Variants in SCN1A observed in about 807,000 individuals in gnomAD.
SCN1A encodes sodium channel protein type 1 subunit alpha.
A neutral mutation model predicts 193.7 loss-of-function variants in SCN1A; 13 were observed. The ratio of observed to expected loss-of-function variants is 0.07; its 90% confidence interval spans 0.04 to 0.11. The LOEUF (loss-of-function observed/expected upper bound fraction) is 0.11, where lower values mean the gene tolerates loss of function less well. SCN1A is among the 10% of genes least tolerant of loss of function. The pLI is 1.00. For synonymous variants in SCN1A, 781 were observed against 843.6 expected (o/e 0.93, Z 1.29); for missense variants, 1,432 against 2,451.1 (o/e 0.58, Z 8.78).
At chr2:166,076,345 A>G (rs1684983004) in intron 3 of SCN1A, among the ~76,000 whole-genome samples, 1 of 151,926 alleles carries the variant, frequency 6.6e-6, no homozygotes, top group Non-Finnish European at 1.5e-5. Flanking sequence ...TAAATATTTT[A>G]TCTATTTGGA....
Position 166,083,383 on chromosome 2 carries a change from A to C in SCN1A, c.-141-5582T>G, listed in dbSNP as rs34226010. On this transcript the variant is annotated intron_variant, in intron 2 of 28. Coordinates refer to ENST00000674923, the MANE Select transcript of SCN1A (RefSeq NM_001165963.4). ...TAAAATAAGGTCAGATATCTAACAT[A>C]TGTCTGTATCTACATTTGTATACTC... 1.2e-3 allele frequency among the ~76,000 whole-genome samples: 190 copies of C among 152,184 alleles called. 1 individual carries two copies. The highest frequency in any genetic ancestry group is 2.4e-3 in the Admixed American group (37 of 15,272).
At chr2:166,136,537 A>G (rs188002698) in intron 1 of SCN1A, among the ~76,000 whole-genome samples, 162 of 152,132 alleles carry the variant, frequency 1.1e-3, no homozygotes, top group African/African-American at 3.3e-3. Context: ...ATGTATCTCT[A>G]TCTGCCCTAA....
intron 14 of SCN1A, 68 bp downstream of exon 14, chr2:166,043,601 C>T (rs1398725897): frequency 7.2e-6 from 11 of 1,521,144 alleles, no homozygotes; most frequent in Non-Finnish European, 6.2e-6. Context: ...GGTTGCCGTT[C>T]TGTAGAAACA....
At position 166,052,871 on chromosome 2, in the gene SCN1A, C is replaced by T. The variant is rs794726719; in HGVS notation, c.675G>A (p.Lys225=). 1.2e-6 allele frequency: 2 copies of T among 1,612,370 alleles called. No homozygotes were observed. The highest frequency in any genetic ancestry group is 2.2e-5 in the South Asian group (2 of 90,996). Residue 225 remains lysine (K), a synonymous_variant, in exon 8 of 29, where the codon AAG becomes AAA. Transcript: ENST00000674923. ...LRTFRVLRAL[K]TISVIPGLKT... is the part of the protein sequence containing the mutation. ...TCTCACCTGGAATGACTGAAATCGT[C>T]TTCAATGCTCGGAGAACTCTGAATG...
intron 2 of SCN1A, among the ~76,000 whole-genome samples, chr2:166,102,664 G>C (rs1261049632): frequency 6.6e-6 from 1 of 152,056 alleles, no homozygotes; most frequent in African/African-American, 2.4e-5. Flanking sequence ...AATGAAAACA[G>C]AACTACCATT....
intron 2 of SCN1A, among the ~76,000 whole-genome samples, chr2:166,087,415 G>A (rs147492517): frequency 2.3e-4 from 35 of 152,144 alleles, no homozygotes; most frequent in African/African-American, 3.6e-4. Context: ...GAGAGGTTGC[G>A]GTGAGCCAAG....
intron 14 of SCN1A, among the ~76,000 whole-genome samples, chr2:166,042,871 C>G (rs1697342161): frequency 6.6e-6 from 1 of 152,140 alleles, no homozygotes; most frequent in Non-Finnish European, 1.5e-5. Flanking sequence ...TTTCTGGACA[C>G]AAGATGTAGA....
chr2:166,076,794 A>C (rs541955753), intron 3 of SCN1A, among the ~76,000 whole-genome samples: 42 of 151,586 alleles, frequency 2.8e-4, no homozygotes, highest in African/African-American at 9.2e-4. Flanking sequence ...AAGAAAAGAT[A>C]GTCTTTTCAA....
intron 24 of SCN1A, among the ~76,000 whole-genome samples, chr2:166,001,149 A>T (rs1218607407): frequency 6.6e-6 from 1 of 151,396 alleles, no homozygotes; most frequent in Admixed American, 6.6e-5. Flanking sequence ...ATTTTTTTTA[A>T]CTTTTGTTTT....
rs999873789 is a variant in SCN1A, at chr2:166,053,124, T to C, written c.603-181A>G. Reference sequence around the variant, plus strand: ...AATTGCCTAGGTTTACAAATTCTGTTACAAACCTGTAGAATTAAATCAGAA... The same window carrying C: ...AATTGCCTAGGTTTACAAATTCTGTCACAAACCTGTAGAATTAAATCAGAA... On this transcript the variant is annotated intron_variant, in intron 7 of 28. Transcript: ENST00000674923. 1.7e-5 allele frequency: 19 copies of C among 1,144,730 alleles called. No homozygotes were observed. In the African/African-American group the frequency reaches 2.4e-4, roughly 15 times the overall value. 70.9% of individuals were successfully genotyped at this position (1,144,730 alleles called of 1,614,324 possible).
chr2:166,044,075 T>A (rs369572253), intron 13 of SCN1A, 26 bp from the exon 14 acceptor site: 482 of 1,612,842 alleles, frequency 3.0e-4, no homozygotes, highest in Non-Finnish European at 3.9e-4. Flanking sequence ...AGCAAACAAA[T>A]AAAGTCATAT....
chr2:166,143,495 C>T (rs1313639222), intron 1 of SCN1A, among the ~76,000 whole-genome samples: 5 of 152,092 alleles, frequency 3.3e-5, no homozygotes, highest in African/African-American at 9.7e-5. Flanking sequence ...AAACAAATTC[C>T]AGATCCTAAG....
chr2:166,035,806 C>G (rs1696251446), intron 19 of SCN1A, among the ~76,000 whole-genome samples: 1 of 152,138 alleles, frequency 6.6e-6, no homozygotes, highest in Admixed American at 6.6e-5. Flanking sequence ...CTGGGAGCTG[C>G]AGCTTGCTGC....
intron 20 of SCN1A, among the ~76,000 whole-genome samples, chr2:166,014,757 G>A (rs1693047917): frequency 6.6e-6 from 1 of 150,928 alleles, no homozygotes; most frequent in South Asian, 2.1e-4. Flanking sequence ...AGGAGTGAAG[G>A]AATGGAGGAA....
intron 12 of SCN1A, among the ~76,000 whole-genome samples, chr2:166,045,583 A>G (rs1697737685): frequency 6.6e-6 from 1 of 152,202 alleles, no homozygotes; most frequent in Non-Finnish European, 1.5e-5. Context: ...CACGTATTCA[A>G]AAATATCCAA....
chr2:165,995,889 G>T, intron 27 of SCN1A, 124 bp downstream of exon 27: 1 of 687,648 alleles, frequency 1.5e-6, no homozygotes, highest in Non-Finnish European at 2.6e-6. Flanking sequence ...ATCACTTTTA[G>T]ATGATGCTCT....
intron 1 of SCN1A, among the ~76,000 whole-genome samples, chr2:166,146,928 A>G (rs1440719785): frequency 6.6e-6 from 1 of 152,252 alleles, no homozygotes; most frequent in Non-Finnish European, 1.5e-5. Context: ...ATGAACATAG[A>G]AAATTTAATG....
At chr2:165,999,675 C>T in intron 25 of SCN1A, 48 bp downstream of exon 25, 1 of 1,276,680 alleles carries the variant, frequency 7.8e-7, no homozygotes, top group Non-Finnish European at 1.1e-6. Context: ...ATTAATTTTA[C>T]CACCTGATCA....
At chr2:166,004,909 T>G (rs890438299) in intron 23 of SCN1A, among the ~76,000 whole-genome samples, 2 of 151,470 alleles carry the variant, frequency 1.3e-5, no homozygotes. Context: ...TTTTCCCCTT[T>G]GAATTCAAGA....
Sources: allele counts gnomAD v4.1 joint callset (sites outside exome capture counted in the v4.1 genomes callset), GRCh38; gene constraint gnomAD v4.1.1; transcripts MANE v1.5; gene names NCBI Gene and HGNC (gene_info 2026-07-23, HGNC 2026-07-21).